LAMC2: variants seen among roughly 807,000 people sequenced by gnomAD.
LAMC2 encodes the protein laminin subunit gamma 2.
LAMC2 carries 97 observed loss-of-function variants against 140.2 expected under a neutral mutation model. The ratio of observed to expected loss-of-function variants is 0.69; its 90% CI spans 0.59 to 0.82. LAMC2 has a LOEUF of 0.82. LAMC2 is among the 40% of genes least tolerant of loss of function. LAMC2 has a pLI of 0.00. For missense variants in LAMC2, 1,402 were observed against 1,476.1 expected, an observed-to-expected ratio of 0.95 and a Z score of 0.82; for synonymous variants, 513 against 540.2, an observed-to-expected ratio of 0.95 and a Z score of 0.70.
intron 22 of LAMC2, 89 bp downstream of exon 22, chr1:183,240,480 G>C: frequency 6.4e-7 from 1 of 1,555,082 alleles, no homozygotes; most frequent in South Asian, 1.2e-5. Flanking sequence ...CAGCAAAGGG[G>C]AGTCTCAGCT....
intron 11 of LAMC2, among the ~76,000 whole-genome samples, 162 bp from the exon 12 acceptor site, chr1:183,230,799 C>A (rs1168533877): frequency 6.6e-6 from 1 of 152,194 alleles, no homozygotes; most frequent in Non-Finnish European, 1.5e-5. Flanking sequence ...ACCAGGCAAA[C>A]CTGCCACATG....
chr1:183,225,479 G>A (rs1426051189), intron 7 of LAMC2, 129 bp from the exon 8 acceptor site: 3 of 735,884 alleles, frequency 4.1e-6, no homozygotes, highest in Non-Finnish European at 7.4e-6. Context: ...GTGGCTCTCA[G>A]TCCTATGCCC....
chr1:183,217,746 G>T (rs1659322066), intron 3 of LAMC2, among the ~76,000 whole-genome samples: 1 of 152,200 alleles, frequency 6.6e-6, no homozygotes, highest in Non-Finnish European at 1.5e-5. Flanking sequence ...TGGGACTGGA[G>T]GGAAGAGATG....
intron 2 of LAMC2, among the ~76,000 whole-genome samples, chr1:183,214,033 G>A (rs1003065753): frequency 1.2e-4 from 16 of 132,468 alleles, no homozygotes; most frequent in African/African-American, 3.8e-4. Context: ...GCAAAACTTC[G>A]TCTCAAAAAA....
intron 12 of LAMC2, 134 bp from the exon 13 acceptor site, chr1:183,232,053 G>T (rs1195935377): frequency 1.9e-6 from 2 of 1,064,946 alleles, no homozygotes; most frequent in Non-Finnish European, 2.9e-6. Context: ...AGGCTCCAGG[G>T]TCTAAAATTT....
At chr1:183,230,222 G>A (rs1434609133) in intron 11 of LAMC2, among the ~76,000 whole-genome samples, 1 of 152,148 alleles carries the variant, frequency 6.6e-6, no homozygotes, top group East Asian at 1.9e-4. Flanking sequence ...CCTAGATACT[G>A]AGGCCATAAT....
chr1:183,235,477 AG>A (rs1659925008), intron 15 of LAMC2, 97 bp from the exon 16 acceptor site: 1 of 1,345,388 alleles, frequency 7.4e-7, no homozygotes, highest in Non-Finnish European at 1.1e-6. Flanking sequence ...TTTCTAAATC[AG>A]ACCAGCTCCC....
intron 6 of LAMC2, 93 bp from the exon 7 acceptor site, chr1:183,223,042 T>TGCCGA: frequency 8.6e-7 from 1 of 1,156,072 alleles, no homozygotes. Context: ...ACACAGGACT[T>TGCCGA]CAACAGAAAT....
chr1:183,222,484 C>G (rs1444442061), intron 6 of LAMC2, among the ~76,000 whole-genome samples: 1 of 151,908 alleles, frequency 6.6e-6, no homozygotes, highest in African/African-American at 2.4e-5. Context: ...CGTTTACCAC[C>G]AAGGCAAGAA....
At chr1:183,219,085 G>A (rs915193899) in intron 4 of LAMC2, among the ~76,000 whole-genome samples, 5 of 152,198 alleles carry the variant, frequency 3.3e-5, no homozygotes, top group Non-Finnish European at 4.4e-5. Context: ...GGTGCAGGAC[G>A]TGCCTTAAGT....
At chr1:183,252,729 T>A in the LAMC2 span, 1 of 1,613,886 alleles carries the variant, frequency 6.2e-7, no homozygotes, top group Non-Finnish European at 8.5e-7. Context: ...GCCGTCCCCA[T>A]GCTGCAGGGC....
chr1:183,202,638 G>A (rs563023800), intron 1 of LAMC2, among the ~76,000 whole-genome samples: 1 of 152,216 alleles, frequency 6.6e-6, no homozygotes, highest in Admixed American at 6.5e-5. Flanking sequence ...AACTAAAACA[G>A]CAAACTGGCA....
intron 22 of LAMC2, among the ~76,000 whole-genome samples, chr1:183,241,877 A>C (rs1281399695): frequency 1.3e-5 from 2 of 152,222 alleles, no homozygotes; most frequent in Non-Finnish European, 2.9e-5. Context: ...AAGGCAATGA[A>C]ACTAATGAGA....
In LAMC2 at chr1:183,236,442, C is replaced by T. The variant is rs201625466; in HGVS notation, c.2457-18C>T. 8.4e-4 allele frequency: 1,346 copies of T among 1,611,720 alleles called. 3 individuals carry two copies. The highest frequency in any genetic ancestry group is 1.1e-3 in the Non-Finnish European group (1,245 of 1,178,462). On this transcript the variant is annotated intron_variant, in intron 16 of 22. Coordinates refer to ENST00000264144, the MANE Select transcript of LAMC2 (RefSeq NM_005562.3). ...AGTCCTCTTTTTATTACCGCCCCCT[C>T]CCCACCCCCAACACCAGATTGGAGA... is the stretch of plus-strand genomic sequence containing the variant.
At chr1:183,246,514 T>C (rs1186554161), downstream of LAMC2, among the ~76,000 whole-genome samples, 1 of 152,230 alleles carries the variant, frequency 6.6e-6, no homozygotes. Flanking sequence ...ATTACAAATG[T>C]CATCATCTAC....
intron 1 of LAMC2, among the ~76,000 whole-genome samples, chr1:183,194,526 G>T (rs780867480): frequency 6.6e-6 from 1 of 151,952 alleles, no homozygotes; most frequent in Non-Finnish European, 1.5e-5. Context: ...TTTTTTTTAA[G>T]GAATCAATGA....
At chr1:183,251,113 A>T in the LAMC2 span, 1 of 152,228 alleles carries the variant, frequency 6.6e-6, no homozygotes, top group African/African-American at 2.4e-5. Flanking sequence ...GTCTGCAGGA[A>T]CAGAGAGGAA....
rs765561100 is a variant in LAMC2 at position 183,236,565 on chromosome 1, A to G, written c.2562A>G (p.Ser854=). Residue 854 remains serine (S), a synonymous_variant, in exon 17 of 23, where the codon TCA becomes TCG. Transcript: ENST00000264144. ...AGCACAGTCTCCGCCTCCTGGATTC[A>G]GTGTCTCGGCTTCAGGGAGTCAGTG... ...SYQHSLRLLD[S]VSRLQGVSDQ... is the part of the protein sequence containing the mutation. The G allele has an allele frequency of 1.2e-6, 2 of 1,614,080 alleles. No individual in the cohort carries two copies. The highest frequency in any genetic ancestry group is 8.5e-7 in the Non-Finnish European group (1 of 1,180,014).
intron 1 of LAMC2, among the ~76,000 whole-genome samples, chr1:183,201,955 G>A (rs148554149): frequency 2.8e-4 from 43 of 152,206 alleles, no homozygotes; most frequent in African/African-American, 1.0e-3. Flanking sequence ...GCACTCTAGA[G>A]GATCTAAGGT....
Sources: allele counts gnomAD v4.1 joint callset (sites outside exome capture counted in the v4.1 genomes callset), GRCh38; gene constraint gnomAD v4.1.1; transcripts MANE v1.5; gene names NCBI Gene and HGNC (gene_info 2026-07-23, HGNC 2026-07-21).